The following TRUB1 variants were observed in gnomAD, a reference collection of about 807,000 sequenced individuals.
TRUB1 encodes the protein TruB pseudouridine synthase family member 1, also known as pseudouridylate synthase TRUB1.
In TRUB1, 23 loss-of-function variants were observed where a neutral mutation model predicts 33.9. That is an observed-to-expected ratio of 0.68 (90% CI 0.49 to 0.96). The LOEUF (loss-of-function observed/expected upper bound fraction) is 0.96, where lower values mean the gene tolerates loss of function less well. Among genes scored for constraint, TRUB1 ranks in the 40% least tolerant of loss-of-function variants. The probability of loss-of-function intolerance (pLI) is 0.00; values close to 1 mark genes in which losing one functional copy is unlikely to be tolerated. For synonymous variants in TRUB1, 163 were observed against 165.4 expected, an observed-to-expected ratio of 0.99 and a Z score of 0.11; for missense variants, 378 against 422.2, an observed-to-expected ratio of 0.90 and a Z score of 0.92.
chr10:114,973,874 A>AT (rs1414904838), intron 6 of TRUB1, among the ~76,000 whole-genome samples: 1 of 151,772 alleles, frequency 6.6e-6, no homozygotes, highest in Admixed American at 6.6e-5. Context: ...GGTTGGTTGT[A>AT]TTTTTTTTGA....
At chr10:114,945,193 G>A (rs2084206293) in intron 2 of TRUB1, among the ~76,000 whole-genome samples, 1 of 152,198 alleles carries the variant, frequency 6.6e-6, no homozygotes, top group African/African-American at 2.4e-5. Context: ...GTCAGGATTT[G>A]AGCCCAGATC....
chr10:114,958,171 T>C (rs2084269467), intron 3 of TRUB1, among the ~76,000 whole-genome samples: 1 of 152,232 alleles, frequency 6.6e-6, no homozygotes, highest in African/African-American at 2.4e-5. Context: ...ACCCTGAGCC[T>C]GTGCTGTTAC....
intron 2 of TRUB1, among the ~76,000 whole-genome samples, chr10:114,947,767 A>G (rs910439002): frequency 6.6e-6 from 1 of 152,172 alleles, no homozygotes; most frequent in African/African-American, 2.4e-5. Flanking sequence ...CCATTTCCCT[A>G]TTTGAGGTCA....
intron 2 of TRUB1, among the ~76,000 whole-genome samples, chr10:114,945,952 G>A (rs2084209404): frequency 6.6e-6 from 1 of 152,206 alleles, no homozygotes; most frequent in Non-Finnish European, 1.5e-5. Context: ...TATGTCAGAT[G>A]TATTAATTTT....
chr10:114,944,202 AT>A (rs757372760), intron 2 of TRUB1, among the ~76,000 whole-genome samples: 24 of 151,924 alleles, frequency 1.6e-4, no homozygotes, highest in African/African-American at 2.7e-4. Flanking sequence ...AACAATACTT[AT>A]CTTTTTACAT....
chr10:114,971,401 T>A (rs1007678859), intron 5 of TRUB1, among the ~76,000 whole-genome samples: 1 of 151,356 alleles, frequency 6.6e-6, no homozygotes, highest in African/African-American at 2.4e-5. Context: ...AGTTTCTGAC[T>A]TTTTTTTTAG....
chr10:114,970,934 ATTGCT>A (rs1163920630), intron 5 of TRUB1, among the ~76,000 whole-genome samples: 31 of 152,324 alleles, frequency 2.0e-4, no homozygotes, highest in African/African-American at 6.7e-4. Context: ...ATACAAGTAT[ATTGCT>A]TTACTGCTTG....
chr10:114,974,190 T>C (rs2084349664), intron 6 of TRUB1, 139 bp from the exon 7 acceptor site: 1 of 685,658 alleles, frequency 1.5e-6, no homozygotes, highest in Non-Finnish European at 2.6e-6. Flanking sequence ...GGATGAATAA[T>C]TTATGTTTTA....
At position 114,971,716 on chromosome 10, in the gene TRUB1, T is replaced by C. The variant is rs566529897; in HGVS notation, c.597-419T>C. On this transcript the variant is annotated intron_variant, in intron 5 of 7. Transcript: ENST00000298746. Reference sequence around the variant, plus strand: ...TTCTTAGAAATGTTTTGGTAACTTATATAAAAATGAATATTATAGTAGAGA... The same window carrying C: ...TTCTTAGAAATGTTTTGGTAACTTACATAAAAATGAATATTATAGTAGAGA... Among the ~76,000 whole-genome samples the C allele has an allele frequency of 2.2e-4, 33 of 152,352 alleles. 1 individual carries two copies. In the South Asian group the frequency reaches 5.4e-3, roughly 25 times the overall value.
intron 1 of TRUB1, among the ~76,000 whole-genome samples, 197 bp downstream of exon 1, chr10:114,938,736 C>T (rs997814967): frequency 6.6e-6 from 1 of 152,128 alleles, no homozygotes; most frequent in Non-Finnish European, 1.5e-5. Flanking sequence ...GCCTACTTGG[C>T]AGTTGTAGTT....
intron 3 of TRUB1, among the ~76,000 whole-genome samples, chr10:114,953,835 G>A (rs922120325): frequency 6.6e-6 from 1 of 152,078 alleles, no homozygotes; most frequent in African/African-American, 2.4e-5. Flanking sequence ...GAGAGGCGGA[G>A]GTGCCAGGCT....
intron 7 of TRUB1, 142 bp downstream of exon 7, chr10:114,974,527 G>A: frequency 4.8e-6 from 3 of 630,332 alleles, no homozygotes; most frequent in Non-Finnish European, 8.1e-6. Context: ...TAAAAGCATT[G>A]TAGGTTTCTG....
At chr10:114,970,497 A>C in intron 5 of TRUB1, 57 bp downstream of exon 5, 2 of 1,276,110 alleles carry the variant, frequency 1.6e-6, no homozygotes, top group East Asian at 2.3e-5. Flanking sequence ...AATGGTTAAC[A>C]TCACTCTAGT....
Position 114,938,220 on chromosome 10 carries a change from C to A in TRUB1, c.-34C>A. ...ACTCTTGTTGCATCATCAGCGTGCACCTCCACGATGAAACAGGTCTGGGCT... is the reference window on the plus strand; with the variant it reads ...ACTCTTGTTGCATCATCAGCGTGCAACTCCACGATGAAACAGGTCTGGGCT... On this transcript the variant is annotated 5_prime_UTR_variant, in exon 1 of 8. Transcript: ENST00000298746. The A allele has an allele frequency of 6.2e-7, 1 of 1,605,628 alleles. No homozygotes were observed. Among genetic ancestry groups the A allele is most frequent in the Non-Finnish European group, 8.5e-7 (1 of 1,177,340 alleles).
In TRUB1 at chr10:114,975,338, A is replaced by G; in HGVS notation, c.1009A>G (p.Asn337Asp). Residue 337 changes from asparagine (N) to aspartate (D), a missense_variant, in exon 8 of 8, where the codon AAT (asparagine) becomes GAT (aspartate). Asn to Asp is a conservative substitution (Grantham distance 23). Coordinates refer to ENST00000298746, the MANE Select transcript of TRUB1 (RefSeq NM_139169.5). ...TTTGAGCTGTGAATATATAACTCTA[A>G]ATGAGCCAAAGAGAGAAGATGATGT... Reference protein sequence around the residue: ...QVLSCEYITLNEPKREDDVIK... With the variant: ...QVLSCEYITLDEPKREDDVIK... The G allele has an allele frequency of 6.2e-7, 1 of 1,605,294 alleles. No homozygotes were observed.
At chr10:114,952,489 A>G (rs140242497) in intron 3 of TRUB1, among the ~76,000 whole-genome samples, 3 of 115,264 alleles carry the variant, frequency 2.6e-5, no homozygotes, top group East Asian at 2.0e-4. Context: ...AGATAGGTAG[A>G]TAGGTAGGTA....
intron 3 of TRUB1, among the ~76,000 whole-genome samples, chr10:114,955,502 C>T (rs546776072): frequency 2.3e-4 from 35 of 152,260 alleles, no homozygotes; most frequent in African/African-American, 8.2e-4. Context: ...TGCAGGTAAA[C>T]CATAGTGGCA....
chr10:114,958,461 C>G (rs765560246), intron 3 of TRUB1, among the ~76,000 whole-genome samples: 2 of 152,112 alleles, frequency 1.3e-5, no homozygotes, highest in African/African-American at 2.4e-5. Context: ...TGCATACTTA[C>G]AAGGTTTTGA....
intron 2 of TRUB1, among the ~76,000 whole-genome samples, chr10:114,942,959 G>A (rs375169570): frequency 6.6e-6 from 1 of 152,156 alleles, no homozygotes; most frequent in East Asian, 1.9e-4. Context: ...ATGTGTGGAT[G>A]GGACTTTGAA....
Sources: gnomAD v4.1 joint callset for allele counts (sites outside exome capture counted in the v4.1 genomes callset) on GRCh38, gnomAD v4.1.1 for gene constraint, MANE v1.5 for transcripts, NCBI Gene and HGNC (gene_info 2026-07-23, HGNC 2026-07-21) for gene names.